The following DCC variants were observed in gnomAD, a reference collection of about 807,000 sequenced individuals.
The protein encoded by DCC is netrin receptor DCC.
In DCC, 58 loss-of-function variants were observed where a neutral mutation model predicts 172.5. The observed-to-expected ratio is 0.34, with a 90% CI of 0.27 to 0.42. The LOEUF (loss-of-function observed/expected upper bound fraction) is 0.42, where lower values mean the gene tolerates loss of function less well. Ranked by LOEUF, DCC falls within the 10% of genes least tolerant of loss-of-function variation. DCC has a pLI of 1.00. For synonymous variants in DCC, 709 were observed against 644.5 expected (o/e 1.10, Z -1.52); for missense variants, 1,740 against 1,791.0 (o/e 0.97, Z 0.51).
chr18:52,841,042 C>T (rs1573411), intron 2 of DCC, among the ~76,000 whole-genome samples: 70,600 of 151,806 alleles, frequency 0.47, 16,641 homozygotes, highest in South Asian at 0.55. Flanking sequence ...TGCAGGTCTC[C>T]GTGAAAAAGG....
chr18:53,467,149 T>C (rs920346830), intron 24 of DCC, among the ~76,000 whole-genome samples: 5 of 152,196 alleles, frequency 3.3e-5, no homozygotes, highest in African/African-American at 1.2e-4. Context: ...CCTTATTACA[T>C]AGATATAGGT....
intron 1 of DCC, among the ~76,000 whole-genome samples, chr18:52,375,242 C>T (rs1985297746): frequency 6.6e-6 from 1 of 151,964 alleles, no homozygotes; most frequent in African/African-American, 2.4e-5. Flanking sequence ...ATGAGAGGAG[C>T]CAAGATATCA....
chr18:53,154,786 A>G (rs1473041921), intron 7 of DCC, among the ~76,000 whole-genome samples: 1 of 152,194 alleles, frequency 6.6e-6, no homozygotes, highest in Non-Finnish European at 1.5e-5. Context: ...AATATCACCC[A>G]GGAGGAGAAG....
intron 2 of DCC, among the ~76,000 whole-genome samples, chr18:52,854,508 C>T (rs1202893131): frequency 6.6e-6 from 1 of 152,098 alleles, no homozygotes; most frequent in African/African-American, 2.4e-5. Context: ...TCCCTCTCTC[C>T]ATGTTTTCCT....
At chr18:52,640,153 T>C (rs982775808) in intron 1 of DCC, among the ~76,000 whole-genome samples, 1 of 152,132 alleles carries the variant, frequency 6.6e-6, no homozygotes, top group Non-Finnish European at 1.5e-5. Context: ...TTTGACAAAA[T>C]CCAGCATTGC....
chr18:52,393,167 T>A, intron 1 of DCC, among the ~76,000 whole-genome samples: 1 of 152,080 alleles, frequency 6.6e-6, no homozygotes, highest in East Asian at 1.9e-4. Flanking sequence ...GGTTCAGTCA[T>A]TTTCATTCTA....
intron 10 of DCC, among the ~76,000 whole-genome samples, chr18:53,206,291 A>G (rs961830476): frequency 2.3e-5 from 3 of 132,992 alleles, no homozygotes; most frequent in Non-Finnish European, 4.6e-5. Context: ...TATACCACAT[A>G]TATGTATTGT....
At chr18:53,262,582 C>T (rs2056619286) in intron 12 of DCC, among the ~76,000 whole-genome samples, 2 of 152,184 alleles carry the variant, frequency 1.3e-5, no homozygotes, top group Non-Finnish European at 2.9e-5. Context: ...GAAAGGTGAT[C>T]CAACTCAAAG....
chr18:53,210,947 G>A (rs937261987), intron 11 of DCC, among the ~76,000 whole-genome samples: 5 of 151,400 alleles, frequency 3.3e-5, no homozygotes, highest in Non-Finnish European at 7.4e-5. Flanking sequence ...GGTTTACAAT[G>A]AGCCATTTTT....
intron 2 of DCC, among the ~76,000 whole-genome samples, chr18:52,866,518 A>G (rs1261611443): frequency 6.6e-6 from 1 of 152,184 alleles, no homozygotes; most frequent in Non-Finnish European, 1.5e-5. Context: ...CTTCCTATCC[A>G]TGAGCATGGA....
chr18:52,881,573 G>A (rs1237497821), intron 2 of DCC, among the ~76,000 whole-genome samples: 2 of 152,002 alleles, frequency 1.3e-5, no homozygotes, highest in East Asian at 3.9e-4. Flanking sequence ...TGAATATCCA[G>A]TTTCCCACCA....
intron 1 of DCC, among the ~76,000 whole-genome samples, chr18:52,408,119 G>A (rs1406599391): frequency 3.3e-5 from 5 of 152,002 alleles, no homozygotes; most frequent in Admixed American, 3.3e-4. Flanking sequence ...ATAAGCCTAT[G>A]AAAAGTCCAA....
chr18:52,408,996 G>C (rs755345889), intron 1 of DCC: 1 of 152,074 alleles, frequency 6.6e-6, no homozygotes, highest in Non-Finnish European at 1.5e-5. Flanking sequence ...AAGGTCAAAT[G>C]AATGTCTTGG....
intron 5 of DCC, among the ~76,000 whole-genome samples, chr18:52,950,777 T>C (rs895828277): frequency 6.6e-6 from 1 of 150,502 alleles, no homozygotes; most frequent in Non-Finnish European, 1.5e-5. Context: ...AGAAAAAAAT[T>C]AGCTGGGCGT....
intron 1 of DCC, among the ~76,000 whole-genome samples, chr18:52,414,204 C>T (rs542152269): frequency 2.6e-5 from 4 of 152,070 alleles, no homozygotes; most frequent in Non-Finnish European, 5.9e-5. Flanking sequence ...CCTCAGCCCC[C>T]CAAGTAGCTG....
intron 1 of DCC, among the ~76,000 whole-genome samples, chr18:52,662,248 A>T (rs902071962): frequency 6.6e-6 from 1 of 152,308 alleles, no homozygotes; most frequent in African/African-American, 2.4e-5. Context: ...TGGTCTGTGA[A>T]CAGGACTTTG....
At chr18:53,238,577 T>G (rs1218908500) in intron 12 of DCC, among the ~76,000 whole-genome samples, 2 of 152,156 alleles carry the variant, frequency 1.3e-5, no homozygotes, top group Non-Finnish European at 2.9e-5. Context: ...ATAAGCCTTA[T>G]GTGTCCAAGC....
At chr18:53,143,187 C>A (rs551856854) in intron 7 of DCC, among the ~76,000 whole-genome samples, 2 of 152,186 alleles carry the variant, frequency 1.3e-5, no homozygotes, top group African/African-American at 4.8e-5. Flanking sequence ...GCAAGCATAT[C>A]AATCTAGCCC....
intron 2 of DCC, among the ~76,000 whole-genome samples, chr18:52,764,984 ATC>A (rs1443467105): frequency 6.6e-6 from 1 of 151,512 alleles, no homozygotes; most frequent in East Asian, 2.0e-4. Flanking sequence ...GTCTTTTAGC[ATC>A]TGAGTCCTGC....
Sources: gnomAD v4.1 joint callset for allele counts (sites outside exome capture counted in the v4.1 genomes callset) on GRCh38, gnomAD v4.1.1 for gene constraint, MANE v1.5 for transcripts, NCBI Gene and HGNC (gene_info 2026-07-23, HGNC 2026-07-21) for gene names.